The following C6orf62 variants were observed in gnomAD, a reference collection of about 807,000 sequenced individuals.
The protein encoded by C6orf62 is uncharacterized protein C6orf62.
A neutral mutation model predicts 26.8 loss-of-function variants in C6orf62; 16 were observed. The ratio of observed to expected loss-of-function variants is 0.60; its 90% CI spans 0.40 to 0.91. The LOEUF (loss-of-function observed/expected upper bound fraction) is 0.91, where lower values mean the gene tolerates loss of function less well. Among genes scored for constraint, C6orf62 ranks in the 40% least tolerant of loss-of-function variants. The pLI is 0.00. For synonymous variants in C6orf62, 112 were observed against 91.5 expected, an observed-to-expected ratio of 1.22 and a Z score of -1.28; for missense variants, 192 against 271.4, an observed-to-expected ratio of 0.71 and a Z score of 2.06.
At chr6:24,710,253 C>G (rs905708829) in intron 3 of C6orf62, 8 of 979,828 alleles carry the variant, frequency 8.2e-6, no homozygotes, top group African/African-American at 1.8e-5. Flanking sequence ...ATGTGGTTAT[C>G]TGTAAAACTC....
chr6:24,719,475 A>T (rs1052463442), upstream of C6orf62: 2 of 1,098,856 alleles, frequency 1.8e-6, no homozygotes, highest in African/African-American at 1.7e-5. Flanking sequence ...GAGAAAAAAC[A>T]GCGGAGTCAT....
upstream of C6orf62, chr6:24,720,416 G>C: frequency 8.8e-7 from 1 of 1,135,578 alleles, no homozygotes; most frequent in Non-Finnish European, 1.1e-6. Context: ...TGCTGCCGCC[G>C]CTCAGCCCCC....
chr6:24,719,526 C>CT, upstream of C6orf62: 1 of 1,165,456 alleles, frequency 8.6e-7, no homozygotes, highest in Non-Finnish European at 1.1e-6. Context: ...CCTCAGGCGG[C>CT]TGCTAACGCT....
Position 24,706,207 on chromosome 6 carries a change from G to A in C6orf62, c.620C>T (p.Pro207Leu). 1 of 1,614,214 alleles carries A rather than the reference G, an allele frequency of 6.2e-7. No individual in the cohort carries two copies. Among genetic ancestry groups the A allele is most frequent in the Non-Finnish European group, 8.5e-7 (1 of 1,180,042 alleles). Residue 207 changes from proline (P) to leucine (L), a missense_variant, in exon 5 of 5, where the codon CCA (proline) becomes CTA (leucine). Coordinates refer to ENST00000378119, the MANE Select transcript of C6orf62 (RefSeq NM_030939.5). ...TGCCCAGTGGGTGAGCTGTTCCTGT[G>A]GCAGGTAGAGGCAGATGCTGCATAA... ...FKLCSICLYLPQEQLTHWAVG... is the reference protein window; with the variant it reads ...FKLCSICLYLLQEQLTHWAVG...
At chr6:24,715,708 C>G (rs775042585) in intron 2 of C6orf62, among the ~76,000 whole-genome samples, 2 of 151,866 alleles carry the variant, frequency 1.3e-5, no homozygotes, top group Non-Finnish European at 2.9e-5. Flanking sequence ...ATTAGCCAGG[C>G]ATGGTGGCGC....
intron 3 of C6orf62, chr6:24,709,680 G>C: frequency 2.0e-6 from 2 of 985,404 alleles, no homozygotes; most frequent in Non-Finnish European, 2.4e-6. Context: ...AGTTATGAAA[G>C]ACTGTTATCA....
rs114074281 is a variant in C6orf62, at chr6:24,709,402, T to C, written c.430-491A>G. 236 of 982,114 alleles carry C rather than the reference T, an allele frequency of 2.4e-4. No individual in the cohort carries two copies. In the African/African-American group the frequency reaches 4.0e-3, roughly 17 times the overall value. 60.8% of individuals were successfully genotyped at this position (982,114 alleles called of 1,614,324 possible). A position where few individuals can be genotyped will look rare whatever the true frequency, so the allele number is the denominator to read the frequency against. ...TTTGATTAGGAGTCACATTGTTAATTGCTGTTTCTAAGAAAAAAAAAAAAT... is the reference window on the plus strand; with the variant it reads ...TTTGATTAGGAGTCACATTGTTAATCGCTGTTTCTAAGAAAAAAAAAAAAT... On this transcript the variant is annotated intron_variant, in intron 3 of 4. Coordinates refer to ENST00000378119, the MANE Select transcript of C6orf62 (RefSeq NM_030939.5).
At chr6:24,710,025 CACAATAT>C in intron 3 of C6orf62, 1 of 983,838 alleles carries the variant, frequency 1.0e-6, no homozygotes, top group African/African-American at 1.7e-5. Context: ...GATACAGCAT[CACAATAT>C]ACCATATGTA....
rs182730828 is a variant in C6orf62, at chr6:24,709,769, T to A, written c.430-858A>T. ...CCTCCCACAAAATATCTGTTGGGCA[T>A]GGTGAGACACCAAATGCTACATGAC... On this transcript the variant is annotated intron_variant, in intron 3 of 4. Coordinates refer to ENST00000378119, the MANE Select transcript of C6orf62 (RefSeq NM_030939.5). 22 of 985,480 alleles carry A rather than the reference T, an allele frequency of 2.2e-5. No homozygotes were observed. In the African/African-American group the frequency reaches 3.7e-4, roughly 16 times the overall value. The allele number at this position is 985,480 out of a possible 1,614,324, so 61.0% of individuals were successfully genotyped here.
intron 4 of C6orf62, among the ~76,000 whole-genome samples, chr6:24,707,983 C>T (rs968007480): frequency 1.3e-5 from 2 of 151,798 alleles, no homozygotes; most frequent in African/African-American, 4.8e-5. Flanking sequence ...GGCACTCCAG[C>T]CTGGGCGACA....
chr6:24,720,478 G>T, upstream of C6orf62: 2 of 834,290 alleles, frequency 2.4e-6, no homozygotes, highest in Non-Finnish European at 1.5e-6. Context: ...GGAGGGGAAG[G>T]ACGCGGAGAC....
At chr6:24,706,338 C>T in intron 4 of C6orf62, 76 bp from the exon 5 acceptor site, 3 of 1,557,680 alleles carry the variant, frequency 1.9e-6, no homozygotes, top group Non-Finnish European at 2.6e-6. Context: ...CCATTTCCCA[C>T]AATTTATTAA....
chr6:24,718,836 G>A lies in C6orf62; in HGVS notation c.-168C>T, dbSNP rs1324801772. The A allele has an allele frequency of 8.2e-6, 12 of 1,471,858 alleles. No homozygotes were observed. Among genetic ancestry groups the A allele is most frequent in the African/African-American group, 1.4e-5 (1 of 69,956 alleles). 91.2% of individuals were successfully genotyped at this position (1,471,858 alleles called of 1,614,324 possible). A position where few individuals can be genotyped will look rare whatever the true frequency, so the allele number is the denominator to read the frequency against. ...AAAACTGCACCTTCTGTCAATATTA[G>A]CAGACTGTCATATTACAGGGTCAAG... On this transcript the variant is annotated 5_prime_UTR_variant, in exon 1 of 5. Coordinates refer to ENST00000378119, the MANE Select transcript of C6orf62 (RefSeq NM_030939.5).
At position 24,716,341 on chromosome 6, in the gene C6orf62, T is replaced by C. The variant is rs772220024; in HGVS notation, c.130-17A>G. The C allele has an allele frequency of 1.9e-6, 3 of 1,604,342 alleles. No individual in the cohort carries two copies. The highest frequency in any genetic ancestry group is 1.1e-5 in the South Asian group (1 of 90,784). On this transcript the variant is annotated splice_polypyrimidine_tract_variant and intron_variant, in intron 1 of 4. Transcript: ENST00000378119. ...CTTTTTCTTCTAGAAGAAAAGAAAA[T>C]GGTGTATTAACCCACAGGGAGCACA... is the stretch of plus-strand genomic sequence containing the variant.
At chr6:24,709,428 A>T in intron 3 of C6orf62, 2 of 982,520 alleles carry the variant, frequency 2.0e-6, no homozygotes, top group Non-Finnish European at 2.4e-6. Context: ...AAAAAAAAAT[A>T]AATCTGTTTA....
chr6:24,720,247 G>A, upstream of C6orf62: 1 of 1,299,474 alleles, frequency 7.7e-7, no homozygotes, highest in Non-Finnish European at 9.7e-7. Context: ...GGGCCCTCTA[G>A]CCGCAGCCTG....
chr6:24,718,899 C>A lies in C6orf62; in HGVS notation c.-231G>T, dbSNP rs1206063144. The A allele has an allele frequency of 8.4e-6, 11 of 1,305,984 alleles. No individual in the cohort carries two copies. Among genetic ancestry groups the A allele is most frequent in the East Asian group, 6.9e-5 (2 of 28,872 alleles). The allele number at this position is 1,305,984 out of a possible 1,614,324, so 80.9% of individuals were successfully genotyped here. Reference sequence around the variant, plus strand: ...CTGTCCAGTCATGTTTGGACAATAACGTTTGGGGTCAGACGGGAAAAAGGG... The same window carrying A: ...CTGTCCAGTCATGTTTGGACAATAAAGTTTGGGGTCAGACGGGAAAAAGGG... On this transcript the variant is annotated 5_prime_UTR_variant, in exon 1 of 5. Transcript: ENST00000378119.
chr6:24,706,523 G>C (rs1431104953), intron 4 of C6orf62, among the ~76,000 whole-genome samples: 6 of 152,156 alleles, frequency 3.9e-5, no homozygotes, highest in Admixed American at 3.9e-4. Flanking sequence ...GCATTTCATG[G>C]GGACAGATTT....
intron 4 of C6orf62, chr6:24,706,926 A>G (rs1019189989): frequency 2.0e-5 from 3 of 152,284 alleles, no homozygotes; most frequent in Non-Finnish European, 4.4e-5. Context: ...TAAATAAAAG[A>G]TTTAAGCATA....
Sources: allele counts gnomAD v4.1 joint callset (sites outside exome capture counted in the v4.1 genomes callset), GRCh38; gene constraint gnomAD v4.1.1; transcripts MANE v1.5; gene names NCBI Gene and HGNC (gene_info 2026-07-23, HGNC 2026-07-21).